Variants in ARPP21 observed in about 807,000 individuals in gnomAD.
The protein encoded by ARPP21 is cAMP regulated phosphoprotein 21.
Under a neutral mutation model 113.2 loss-of-function variants are expected in ARPP21, and 69 were observed. That is an observed-to-expected ratio of 0.61 (90% CI 0.50 to 0.74). ARPP21 has a LOEUF of 0.74. Among genes scored for constraint, ARPP21 ranks in the 30% least tolerant of loss-of-function variants. ARPP21 has a pLI of 0.00. For missense variants in ARPP21, 1,070 were observed against 1,037.4 expected, an observed-to-expected ratio of 1.03 and a Z score of -0.43; for synonymous variants, 368 against 375.5, an observed-to-expected ratio of 0.98 and a Z score of 0.23.
chr3:35,742,006 G>GA (rs71082211), intron 18 of ARPP21, among the ~76,000 whole-genome samples: 17 of 151,792 alleles, frequency 1.1e-4, no homozygotes, highest in African/African-American at 2.2e-4. Flanking sequence ...CTGGGGAAAA[G>GA]AAAAAAAACA....
intron 19 of ARPP21, among the ~76,000 whole-genome samples, chr3:35,748,362 G>A (rs942202596): frequency 2.2e-5 from 3 of 133,786 alleles, no homozygotes; most frequent in Admixed American, 1.6e-4. Flanking sequence ...AGGAGAGAGA[G>A]AAAGAAAAGG....
intron 1 of ARPP21, among the ~76,000 whole-genome samples, chr3:35,663,920 T>C (rs1708975932): frequency 6.6e-6 from 1 of 152,158 alleles, no homozygotes; most frequent in Non-Finnish European, 1.5e-5. Context: ...ATTTAACATG[T>C]TTGCTTTAGT....
intron 18 of ARPP21, among the ~76,000 whole-genome samples, chr3:35,743,587 A>T (rs2094817980): frequency 6.6e-6 from 1 of 152,048 alleles, no homozygotes; most frequent in Admixed American, 6.6e-5. Context: ...CAGACTTGAA[A>T]GACTCAGACA....
At chr3:35,660,521 C>A (rs1317899030) in intron 1 of ARPP21, among the ~76,000 whole-genome samples, 1 of 152,166 alleles carries the variant, frequency 6.6e-6, no homozygotes, top group Non-Finnish European at 1.5e-5. Flanking sequence ...CCCTCGAAAT[C>A]TCTTCTGTGC....
At chr3:35,689,211 A>T (rs2081516841) in intron 6 of ARPP21, 96 bp from the exon 7 acceptor site, 2 of 709,810 alleles carry the variant, frequency 2.8e-6, no homozygotes, top group Admixed American at 2.4e-5. Flanking sequence ...CCTAAAATTT[A>T]TCTGAGCAGG....
intron 19 of ARPP21, among the ~76,000 whole-genome samples, chr3:35,765,456 A>G (rs2095935249): frequency 6.6e-6 from 1 of 152,150 alleles, no homozygotes; most frequent in African/African-American, 2.4e-5. Context: ...TTTCACCCTG[A>G]GTCCTTCAGT....
At chr3:35,714,251 A>C (rs1220891724) in intron 11 of ARPP21, among the ~76,000 whole-genome samples, 1 of 147,368 alleles carries the variant, frequency 6.8e-6, no homozygotes, top group Non-Finnish European at 1.5e-5. Flanking sequence ...AGACACCTTC[A>C]CTGAAATGCT....
Position 35,793,687 on chromosome 3 carries a change from G to GT in ARPP21, c.2287-13dup. 2.5e-6 allele frequency: 4 copies of GT among 1,607,944 alleles called. No homozygotes were observed. The highest frequency in any genetic ancestry group is 3.4e-6 in the Non-Finnish European group (4 of 1,174,368). ...GTCTCTTCATACAGGGTTCTTGCTTGTGTCTTTTTACAGGTGCCAATGACC... is the reference window on the plus strand; with the variant it reads ...GTCTCTTCATACAGGGTTCTTGCTTGTTGTCTTTTTACAGGTGCCAATGACC... On this transcript the variant is annotated splice_polypyrimidine_tract_variant and intron_variant, in intron 20 of 20. Transcript: ENST00000684406.
Position 35,729,332 on chromosome 3 carries a change from T to C in ARPP21, c.1255T>C (p.Ser419Pro). 6.2e-7 allele frequency: 1 copy of C among 1,614,166 alleles called. No homozygotes were observed. The highest frequency in any genetic ancestry group is 2.2e-5 in the East Asian group (1 of 44,868). The stretch of plus-strand genomic sequence containing the variant: ...CGAGTCTTCCAGCAGTGCAGGCTCC[T>C]CAGGATCGCTGTCCCGCACCCATCC... ...GSESSSSAGS[S>P]GSLSRTHPPL... is the part of the protein sequence containing the mutation. The change falls in exon 15 of 21, where the codon TCA (serine) becomes CCA (proline). Residue 419 changes from serine (S) to proline (P), a missense_variant. Coordinates refer to ENST00000684406, the MANE Select transcript of ARPP21 (RefSeq NM_001385562.1).
intron 15 of ARPP21, among the ~76,000 whole-genome samples, chr3:35,730,015 C>T (rs533820477): frequency 6.6e-6 from 1 of 152,264 alleles, no homozygotes; most frequent in East Asian, 1.9e-4. Context: ...GCTTTTTAAC[C>T]TTAGAATTTC....
intron 19 of ARPP21, among the ~76,000 whole-genome samples, chr3:35,750,719 G>T (rs758822539): frequency 1.3e-5 from 2 of 152,138 alleles, no homozygotes; most frequent in African/African-American, 2.4e-5. Flanking sequence ...CAAGGCAAAA[G>T]TTGCCTCCAG....
Position 35,690,999 on chromosome 3 carries a change from C to A in ARPP21, c.680C>A (p.Thr227Asn). Reference sequence around the variant, plus strand: ...GTTATCATCAACAAGACCAGCAGCACCAGAATGTAAGCCCCATCACTGTAC... The same window carrying A: ...GTTATCATCAACAAGACCAGCAGCAACAGAATGTAAGCCCCATCACTGTAC... ...KSVIINKTSS[T>N]RIPEQRFCEH... The change falls in exon 9 of 21, where the codon ACC (threonine) becomes AAC (asparagine). Residue 227 changes from threonine to asparagine, a missense_variant. Coordinates refer to ENST00000684406, the MANE Select transcript of ARPP21 (RefSeq NM_001385562.1). 1 of 1,609,512 alleles carries A rather than the reference C, an allele frequency of 6.2e-7. No individual in the cohort carries two copies. The highest frequency in any genetic ancestry group is 8.5e-7 in the Non-Finnish European group (1 of 1,177,316).
intron 19 of ARPP21, among the ~76,000 whole-genome samples, chr3:35,777,563 C>T (rs919156817): frequency 7.9e-5 from 12 of 152,190 alleles, no homozygotes; most frequent in South Asian, 2.1e-4. Flanking sequence ...AATATTTGAA[C>T]AAATTATGGC....
chr3:35,721,628 G>C lies in ARPP21; in HGVS notation c.1019G>C (p.Arg340Thr), dbSNP rs1179592951. ...LFRGNRDGSGRTSGSRQSSSE... is the reference protein window; with the variant it reads ...LFRGNRDGSGTTSGSRQSSSE... ...AGGGGCAACAGAGATGGCTCAGGGA[G>C]AACATCTGGGAGTCGACAGAGCAGC... The change falls in exon 14 of 21, where the codon AGA becomes ACA. Residue 340 changes from arginine to threonine, a missense_variant. By Grantham distance (71) the Arg-to-Thr change is moderately conservative (BLOSUM62 -1). Coordinates refer to ENST00000684406, the MANE Select transcript of ARPP21 (RefSeq NM_001385562.1). 1.2e-6 allele frequency: 2 copies of C among 1,611,968 alleles called. No homozygotes were observed. Among genetic ancestry groups the C allele is most frequent in the South Asian group, 1.1e-5 (1 of 90,952 alleles).
At chr3:35,692,703 T>C (rs1419450759) in intron 9 of ARPP21, among the ~76,000 whole-genome samples, 1 of 151,646 alleles carries the variant, frequency 6.6e-6, no homozygotes, top group Non-Finnish European at 1.5e-5. Context: ...TCAAGACTCC[T>C]GGTCATCTTT....
chr3:35,680,062 A>G (rs901905349), intron 2 of ARPP21, 102 bp downstream of exon 2: 1 of 152,368 alleles, frequency 6.6e-6, no homozygotes, highest in African/African-American at 2.4e-5. Flanking sequence ...TGTAACCATG[A>G]CAGGATCTGT....
At chr3:35,758,225 A>C (rs879596319) in intron 19 of ARPP21, among the ~76,000 whole-genome samples, 1 of 151,906 alleles carries the variant, frequency 6.6e-6, no homozygotes, top group Non-Finnish European at 1.5e-5. Flanking sequence ...AACTTGAAAT[A>C]TTTCTCCATG....
chr3:35,712,546 GT>G (rs2091459153), intron 11 of ARPP21, among the ~76,000 whole-genome samples: 1 of 151,116 alleles, frequency 6.6e-6, no homozygotes, highest in South Asian at 2.1e-4. Context: ...GTGTGTGTGT[GT>G]GTGTGTGTGT....
intron 5 of ARPP21, among the ~76,000 whole-genome samples, chr3:35,686,759 C>T (rs1201957770): frequency 1.3e-5 from 2 of 151,526 alleles, no homozygotes; most frequent in African/African-American, 2.4e-5. Context: ...GTGGGCTTAA[C>T]GTTGGTTAAT....
Sources: allele counts gnomAD v4.1 joint callset (sites outside exome capture counted in the v4.1 genomes callset), GRCh38; gene constraint gnomAD v4.1.1; transcripts MANE v1.5; gene names NCBI Gene and HGNC (gene_info 2026-07-23, HGNC 2026-07-21).